The following TTC16 variants were observed in gnomAD, a reference collection of about 807,000 sequenced individuals.
The protein encoded by TTC16 is tetratricopeptide repeat domain 16.
TTC16 carries 66 observed loss-of-function variants against 80.4 expected under a neutral mutation model. The observed-to-expected ratio is 0.82, with a 90% confidence interval of 0.67 to 1.01. The LOEUF is 1.01. TTC16 is among the 50% of genes least tolerant of loss of function. TTC16 has a pLI of 0.00. For missense variants in TTC16, 1,070 were observed against 1,103.2 expected (o/e 0.97, Z 0.43); for synonymous variants, 438 against 451.3 (o/e 0.97, Z 0.37).
Position 127,722,892 on chromosome 9 carries a change from C to T in TTC16, c.658-227C>T, listed in dbSNP as rs575156290. 6.6e-6 allele frequency among the ~76,000 whole-genome samples: 1 copy of T among 151,572 alleles called. No individual in the cohort carries two copies. Among genetic ancestry groups the T allele is most frequent in the East Asian group, 1.9e-4 (1 of 5,150 alleles). On this transcript the variant is annotated intron_variant, in intron 6 of 13. Transcript: ENST00000373289. The surrounding 1 kb of genome is among the most constrained non-coding windows in gnomAD (Gnocchi z 4.2). Reference sequence around the variant, plus strand: ...CTGAGGTGGAAGAATCGCTTGAACCCGGGAGGCAGAGGTTGCAGTGAGCCA... The same window carrying T: ...CTGAGGTGGAAGAATCGCTTGAACCTGGGAGGCAGAGGTTGCAGTGAGCCA...
At chr9:127,723,990 G>T (rs1238122513) in intron 7 of TTC16, 130 bp from the exon 8 acceptor site, 1 of 1,284,912 alleles carries the variant, frequency 7.8e-7, no homozygotes, top group Non-Finnish European at 1.0e-6. Flanking sequence ...AGCAAATGAG[G>T]TGGGATCCCC....
At chr9:127,725,519 A>G (rs1261244746) in intron 9 of TTC16, among the ~76,000 whole-genome samples, 7 of 138,882 alleles carry the variant, frequency 5.0e-5, no homozygotes, top group African/African-American at 1.9e-4. Flanking sequence ...AGCCGAGATC[A>G]AGCCACTGCA....
At chr9:127,730,509 T>G (rs373897230) in intron 13 of TTC16, 127 bp from the exon 14 acceptor site, 1 of 1,403,320 alleles carries the variant, frequency 7.1e-7, no homozygotes, top group African/African-American at 1.4e-5. Context: ...GATCTGCAGG[T>G]CTTTCCCTTT....
At chr9:127,729,376 C>T (rs1349179671) in intron 12 of TTC16, 9 of 551,312 alleles carry the variant, frequency 1.6e-5, no homozygotes, top group African/African-American at 3.8e-5. Context: ...ACCGTTCTCA[C>T]GGCACCATGC....
chr9:127,718,030 T>C lies in TTC16; in HGVS notation c.426+258T>C, dbSNP rs1032958529. 1.8e-4 allele frequency among the ~76,000 whole-genome samples: 28 copies of C among 152,360 alleles called. 1 individual carries two copies. Among genetic ancestry groups the C allele is most frequent in the African/African-American group, 6.7e-4 (28 of 41,576 alleles). ...CCAGCCACGTGGAACTGTTGAGCCC[T>C]TGAAATGTGGCAAGTGTGACTAAAG... On this transcript the variant is annotated intron_variant, in intron 4 of 13. Coordinates refer to ENST00000373289, the MANE Select transcript of TTC16 (RefSeq NM_144965.3). This position sits in a 1 kb window ranked among gnomAD's most constrained non-coding sequence, Gnocchi z 4.6.
rs200485008 is a variant in TTC16, at chr9:127,729,618, C to T, written c.1802C>T (p.Ser601Phe). The T allele has an allele frequency of 6.2e-7, 1 of 1,613,842 alleles. No individual in the cohort carries two copies. Among genetic ancestry groups the T allele is most frequent in the Admixed American group, 1.7e-5 (1 of 60,026 alleles). The change falls in exon 13 of 14, where the codon TCC becomes TTC. Residue 601 changes from serine to phenylalanine, a missense_variant. Physicochemically the swap from Ser to Phe is radical, Grantham distance 155 (BLOSUM62 -2). Transcript: ENST00000373289. Reference sequence around the variant, plus strand: ...GAGCTCATACCTAGCAAGGTGGCGTCCCTGTCTGACAGCTACCTTGACCAG... The same window carrying T: ...GAGCTCATACCTAGCAAGGTGGCGTTCCTGTCTGACAGCTACCTTGACCAG... Reference protein sequence around the residue: ...KSELIPSKVASLSDSYLDQTS... With the variant: ...KSELIPSKVAFLSDSYLDQTS...
Position 127,727,631 on chromosome 9 carries a change from G to A in TTC16, c.1764+166G>A, listed in dbSNP as rs531018788. The A allele has an allele frequency of 5.1e-6, 7 of 1,371,846 alleles. No individual in the cohort carries two copies. In the South Asian group the frequency reaches 1.0e-4, roughly 20 times the overall value. 85.0% of individuals were successfully genotyped at this position (1,371,846 alleles called of 1,614,324 possible). ...GGACATCTTGCTATGAGATGGGGAT[G>A]GTACCAGCAAGGGGTGCTCCTGACG... On this transcript the variant is annotated intron_variant, in intron 12 of 13. Transcript: ENST00000373289.
Position 127,717,370 on chromosome 9 carries a change from C to G in TTC16, c.228C>G (p.Asp76Glu). ...SRGQQCLEQA[D>E]WETAVLLFSR... ...GCCAGCAGTGCTTGGAGCAGGCAGA[C>G]TGGGAGACAGCTGTGCTGCTCTTCT... The change falls in exon 3 of 14, where the codon GAC becomes GAG. Residue 76 changes from aspartate to glutamate, a missense_variant. Coordinates refer to ENST00000373289, the MANE Select transcript of TTC16 (RefSeq NM_144965.3). 4 of 1,612,810 alleles carry G rather than the reference C, an allele frequency of 2.5e-6. No homozygotes were observed. The highest frequency in any genetic ancestry group is 3.4e-6 in the Non-Finnish European group (4 of 1,180,022).
rs769583810 is a variant in TTC16, at chr9:127,716,862, C to G, written c.37C>G (p.Gln13Glu). Reference protein sequence around the residue: ...DSDEDALKVDQGPSRDIPKPW... With the variant: ...DSDEDALKVDEGPSRDIPKPW... Reference sequence around the variant, plus strand: ...GTTCTAGGATGCCCTGAAGGTTGACCAGGGCCCCTCACGGGACATCCCAAA... The same window carrying G: ...GTTCTAGGATGCCCTGAAGGTTGACGAGGGCCCCTCACGGGACATCCCAAA... The change falls in exon 2 of 14, where the codon CAG becomes GAG. Residue 13 changes from glutamine to glutamate, a missense_variant. Physicochemically the swap from Gln to Glu is conservative, Grantham distance 29. Coordinates refer to ENST00000373289, the MANE Select transcript of TTC16 (RefSeq NM_144965.3). 21 of 1,612,806 alleles carry G rather than the reference C, an allele frequency of 1.3e-5. No individual in the cohort carries two copies. The highest frequency in any genetic ancestry group is 1.7e-5 in the Admixed American group (1 of 59,958).
In TTC16 at chr9:127,726,223, C is replaced by G. The variant is rs1294139244; in HGVS notation, c.1260-16C>G. The G allele has an allele frequency of 6.4e-7, 1 of 1,565,136 alleles. No individual in the cohort carries two copies. Among genetic ancestry groups the G allele is most frequent in the East Asian group, 2.3e-5 (1 of 43,098 alleles). On this transcript the variant is annotated splice_polypyrimidine_tract_variant and intron_variant, in intron 9 of 13. Transcript: ENST00000373289. Reference sequence around the variant, plus strand: ...GGCCCAGCTCATAGCAGCTTGGGACCCACTGTGTCGTGCAGGCAGTTCCAG... The same window carrying G: ...GGCCCAGCTCATAGCAGCTTGGGACGCACTGTGTCGTGCAGGCAGTTCCAG...
At position 127,722,431 on chromosome 9, in the gene TTC16, T is replaced by A. The variant is rs527992856; in HGVS notation, c.658-688T>A. On this transcript the variant is annotated intron_variant, in intron 6 of 13. Coordinates refer to ENST00000373289, the MANE Select transcript of TTC16 (RefSeq NM_144965.3). The surrounding 1 kb of genome is among the most constrained non-coding windows in gnomAD (Gnocchi z 4.2). ...GGCAGAGGAGTCTTGGGCTCAAAGG[T>A]CAGGGAGGAGAAGAGGGAGTGCAGG... Among the ~76,000 whole-genome samples the A allele has an allele frequency of 1.3e-5, 2 of 151,666 alleles. No homozygotes were observed. The highest frequency in any genetic ancestry group is 2.9e-5 in the Non-Finnish European group (2 of 67,934).
Position 127,727,376 on chromosome 9 carries a change from C to A in TTC16, c.1675C>A (p.Pro559Thr), listed in dbSNP as rs752229879. Reference protein sequence around the residue: ...IATSEELKATPEIPQVKPGSS... With the variant: ...IATSEELKATTEIPQVKPGSS... The stretch of plus-strand genomic sequence containing the variant: ...GACCTCCGAGGAGCTGAAGGCCACC[C>A]CTGAGATTCCGCAGGTAAAACCGGG... The change falls in exon 12 of 14, where the codon CCT becomes ACT. Residue 559 changes from proline to threonine, a missense_variant. Pro to Thr is a conservative substitution (Grantham distance 38). Transcript: ENST00000373289. 1 of 1,611,248 alleles carries A rather than the reference C, an allele frequency of 6.2e-7. No homozygotes were observed. Among genetic ancestry groups the A allele is most frequent in the Non-Finnish European group, 8.5e-7 (1 of 1,178,772 alleles).
intron 6 of TTC16, among the ~76,000 whole-genome samples, chr9:127,721,648 C>T (rs907965823): frequency 6.6e-5 from 10 of 152,104 alleles, no homozygotes; most frequent in African/African-American, 9.7e-5. Context: ...CCCTGTGCCC[C>T]GGGGCTGGGC....
intron 12 of TTC16, 104 bp downstream of exon 12, chr9:127,727,569 C>T: frequency 2.7e-6 from 4 of 1,460,838 alleles, no homozygotes; most frequent in Non-Finnish European, 2.7e-6. Flanking sequence ...GGCTTCCAGG[C>T]CTGGCTCTGC....
At chr9:127,716,193 G>C in intron 1 of TTC16, 30 bp downstream of exon 1, 1 of 1,613,866 alleles carries the variant, frequency 6.2e-7, no homozygotes, top group Non-Finnish European at 8.5e-7. Flanking sequence ...CTAACGCAAA[G>C]GCAGAGGGCC....
intron 8 of TTC16, 45 bp from the exon 9 acceptor site, chr9:127,724,711 G>A: frequency 6.3e-7 from 1 of 1,587,638 alleles, no homozygotes; most frequent in Non-Finnish European, 8.5e-7. Context: ...GGGCTCCCGG[G>A]CACTGGGAGT....
chr9:127,721,798 G>A (rs1843535439), intron 6 of TTC16, among the ~76,000 whole-genome samples: 1 of 152,096 alleles, frequency 6.6e-6, no homozygotes, highest in African/African-American at 2.4e-5. Context: ...CTACCGGGAG[G>A]TTCAGGCAAT....
At position 127,718,987 on chromosome 9, in the gene TTC16, C is replaced by T. The variant is rs944492446; in HGVS notation, c.427-1091C>T. Among the ~76,000 whole-genome samples, 16 of 151,356 alleles carry T rather than the reference C, an allele frequency of 1.1e-4. No individual in the cohort carries two copies. Among genetic ancestry groups the T allele is most frequent in the South Asian group, 2.1e-4 (1 of 4,780 alleles). ...CAGCACTTTGGGAGGCCGAGTTGGGCGGATCATGAGGTCAGGAGTTTGAGA... is the reference window on the plus strand; with the variant it reads ...CAGCACTTTGGGAGGCCGAGTTGGGTGGATCATGAGGTCAGGAGTTTGAGA... On this transcript the variant is annotated intron_variant, in intron 4 of 13. Coordinates refer to ENST00000373289, the MANE Select transcript of TTC16 (RefSeq NM_144965.3). This position sits in a 1 kb window ranked among gnomAD's most constrained non-coding sequence, Gnocchi z 4.6.
chr9:127,716,331 G>A, intron 1 of TTC16, 168 bp downstream of exon 1: 1 of 1,009,172 alleles, frequency 9.9e-7, no homozygotes, highest in South Asian at 1.5e-5. Flanking sequence ...TCCTTGTAAG[G>A]CTCGGCGGCT....
Sources: gnomAD v4.1 joint callset for allele counts (sites outside exome capture counted in the v4.1 genomes callset) on GRCh38, gnomAD v4.1.1 for gene constraint, Gnocchi (gnomAD v3.1) non-coding constraint, MANE v1.5 for transcripts, NCBI Gene and HGNC (gene_info 2026-07-23, HGNC 2026-07-21) for gene names.